The following IL7 variants were observed in gnomAD, a reference collection of about 807,000 sequenced individuals.
The protein encoded by IL7 is interleukin-7.
Under a neutral mutation model 21.6 loss-of-function variants are expected in IL7, and 3 were observed. The observed-to-expected ratio is 0.14, with a 90% confidence interval of 0.06 to 0.36. The LOEUF (loss-of-function observed/expected upper bound fraction) is 0.36. Ranked by LOEUF, IL7 falls within the 10% of genes least tolerant of loss-of-function variation. The probability of loss-of-function intolerance (pLI) is 1.00; values close to 1 mark genes in which losing one functional copy is unlikely to be tolerated. For synonymous variants in IL7, 62 were observed against 68.1 expected (o/e 0.91, Z 0.44); for missense variants, 175 against 200.2 (o/e 0.87, Z 0.76).
rs146901112 is a variant in IL7 at position 78,711,512 on chromosome 8, T to C, written n.214+9836A>G. 2.0e-5 allele frequency among the ~76,000 whole-genome samples: 3 copies of C among 152,114 alleles called. No homozygotes were observed. The East Asian group carries it at 5.8e-4, about 29-fold the overall frequency. ...AAGTCACTTTTTTGTTAGAAGTCAG[T>C]GGAGTTAGAAAGTCAAATGGAGTAC... On this transcript the variant is annotated intron_variant and non_coding_transcript_variant, in intron 3 of 4. Transcript: ENST00000523959.
intron 2 of IL7, chr8:78,760,162 C>A: frequency 2.6e-6 from 4 of 1,519,044 alleles, no homozygotes; most frequent in South Asian, 2.7e-5. Context: ...TCCACAGTTT[C>A]GGAATTATCT....
intron 3 of IL7, among the ~76,000 whole-genome samples, chr8:78,722,273 C>G (rs886900261): frequency 1.3e-5 from 2 of 151,918 alleles, no homozygotes; most frequent in Non-Finnish European, 2.9e-5. Flanking sequence ...GTCCTGTGAT[C>G]TACTTAAGCT....
intron 2 of IL7, among the ~76,000 whole-genome samples, chr8:78,776,131 T>C (rs780882802): frequency 6.6e-6 from 1 of 152,062 alleles, no homozygotes; most frequent in Non-Finnish European, 1.5e-5. Context: ...AGAGCAATTA[T>C]GACAATATTC....
At chr8:78,747,727 T>A (rs2130721811) in intron 2 of IL7, among the ~76,000 whole-genome samples, 1 of 152,310 alleles carries the variant, frequency 6.6e-6, no homozygotes, top group Non-Finnish European at 1.5e-5. Context: ...CCATTTAGTA[T>A]TAGGAATACA....
intron 1 of IL7, among the ~76,000 whole-genome samples, chr8:78,799,784 A>T (rs1195078640): frequency 6.6e-6 from 1 of 152,106 alleles, no homozygotes; most frequent in African/African-American, 2.4e-5. Context: ...AAATGGCCAT[A>T]ATCTATTGAT....
At chr8:78,769,510 A>C (rs1415705457) in intron 2 of IL7, among the ~76,000 whole-genome samples, 3 of 152,222 alleles carry the variant, frequency 2.0e-5, no homozygotes, top group African/African-American at 7.2e-5. Context: ...GAGAACTACA[A>C]ATCACTGCTC....
intron 3 of IL7, chr8:78,711,964 G>A (rs2130604627): frequency 7.9e-7 from 1 of 1,261,752 alleles, no homozygotes; most frequent in African/African-American, 1.5e-5. Context: ...ATCTCCTTAT[G>A]GGTACACCTT....
At chr8:78,725,281 C>T (rs1811321130) in intron 3 of IL7, among the ~76,000 whole-genome samples, 1 of 151,876 alleles carries the variant, frequency 6.6e-6, no homozygotes, top group African/African-American at 2.4e-5. Context: ...TCTAAGGTAG[C>T]TGTGGCAGAG....
intron 3 of IL7, among the ~76,000 whole-genome samples, chr8:78,705,638 T>C (rs1312070925): frequency 5.3e-5 from 8 of 152,168 alleles, no homozygotes; most frequent in Admixed American, 5.2e-4. Flanking sequence ...CTTCCACCTC[T>C]GGGTCGGCAT....
chr8:78,740,162 T>C, intron 2 of IL7, 80 bp from the exon 3 acceptor site: 2 of 821,812 alleles, frequency 2.4e-6, no homozygotes, highest in Non-Finnish European at 3.3e-6. Flanking sequence ...ATAATAATCT[T>C]ATAATATCTG....
intron 2 of IL7, among the ~76,000 whole-genome samples, chr8:78,754,727 A>G (rs1200126811): frequency 6.6e-6 from 1 of 152,140 alleles, no homozygotes; most frequent in African/African-American, 2.4e-5. Context: ...ATATATTCTG[A>G]AAATTAATCC....
intron 4 of IL7, among the ~76,000 whole-genome samples, chr8:78,677,846 A>T (rs1809632223): frequency 6.6e-6 from 1 of 152,212 alleles, no homozygotes; most frequent in Admixed American, 6.5e-5. Context: ...TAAAGGAATG[A>T]AAGAACGGGT....
downstream of IL7, among the ~76,000 whole-genome samples, chr8:78,713,365 A>G (rs1422039863): frequency 6.6e-6 from 1 of 152,112 alleles, no homozygotes; most frequent in Non-Finnish European, 1.5e-5. Context: ...AACATTTTGA[A>G]CAACCTCAAG....
At position 78,687,588 on chromosome 8, in the gene IL7, AATTATATATATTTACATAATAC is replaced by A. The variant is rs1810039235; in HGVS notation, n.215-1663_215-1642del. On this transcript the variant is annotated intron_variant and non_coding_transcript_variant, in intron 3 of 4. Transcript: ENST00000523959. The stretch of plus-strand genomic sequence containing the variant: ...ATAAATTATATATATTTACGTAATA[AATTATATATATTTACATAATAC>A]ATTATATATATTTACGTAATACATT... 5.0e-5 allele frequency among the ~76,000 whole-genome samples: 7 copies of A among 140,840 alleles called. 1 individual carries two copies. The East Asian group carries it at 6.0e-4, about 12-fold the overall frequency. The allele number at this position is 140,840 out of a possible 152,430, so 92.4% of individuals were successfully genotyped here.
In IL7 at chr8:78,805,217, A is replaced by G; in HGVS notation, c.-295T>C. 1 of 352,256 alleles carries G rather than the reference A, an allele frequency of 2.8e-6. No individual in the cohort carries two copies. The highest frequency in any genetic ancestry group is 5.2e-6 in the Non-Finnish European group (1 of 193,528). 21.8% of individuals were successfully genotyped at this position (352,256 alleles called of 1,614,324 possible). A position where few individuals can be genotyped will look rare whatever the true frequency, so the allele number is the denominator to read the frequency against. ...ACTTTGCGCTTGGTCTGCAGGTTCA[A>G]TCTTTGGGATCATCAGCATGGAATC... is the stretch of plus-strand genomic sequence containing the variant. On this transcript the variant is annotated 5_prime_UTR_variant, in exon 1 of 6. Coordinates refer to ENST00000263851, the MANE Select transcript of IL7 (RefSeq NM_000880.4).
At chr8:78,694,115 T>G (rs1358472882) in intron 3 of IL7, among the ~76,000 whole-genome samples, 1 of 152,018 alleles carries the variant, frequency 6.6e-6, no homozygotes, top group Non-Finnish European at 1.5e-5. Flanking sequence ...GTTTTTAATT[T>G]CTTGCAGTTG....
chr8:78,774,784 T>C (rs2130795202), intron 2 of IL7, among the ~76,000 whole-genome samples: 1 of 152,250 alleles, frequency 6.6e-6, no homozygotes, highest in South Asian at 2.1e-4. Flanking sequence ...TTAAATATGG[T>C]GTTTCAGAAT....
rs533533564 is a variant in IL7 at position 78,705,110 on chromosome 8, G to A, written n.214+16238C>T. Among the ~76,000 whole-genome samples, 3 of 152,270 alleles carry A rather than the reference G, an allele frequency of 2.0e-5. No homozygotes were observed. The South Asian group carries it at 6.2e-4, about 32-fold the overall frequency. ...GAATTCTGCTTCTTTCATTTCAGCT[G>A]TCTCAGCCTCAGCCTGATTCTGAGG... is the stretch of plus-strand genomic sequence containing the variant. On this transcript the variant is annotated intron_variant and non_coding_transcript_variant, in intron 3 of 4. Coordinates refer to the IL7 transcript ENST00000523959.
At chr8:78,750,722 G>A (rs1019663618) in intron 2 of IL7, among the ~76,000 whole-genome samples, 1 of 152,160 alleles carries the variant, frequency 6.6e-6, no homozygotes. Context: ...TACTCAGGAG[G>A]CTGAGGCAGG....
Sources: allele counts gnomAD v4.1 joint callset (sites outside exome capture counted in the v4.1 genomes callset), GRCh38; gene constraint gnomAD v4.1.1; transcripts MANE v1.5; gene names NCBI Gene and HGNC (gene_info 2026-07-23, HGNC 2026-07-21).